The following PRTFDC1 variants were observed in gnomAD, a reference collection of about 807,000 sequenced individuals.
PRTFDC1 encodes phosphoribosyl transferase domain containing 1.
PRTFDC1 carries 38 observed loss-of-function variants against 34.6 expected under a neutral mutation model. The ratio of observed to expected loss-of-function variants is 1.10; its 90% CI spans 0.85 to 1.44. The LOEUF (loss-of-function observed/expected upper bound fraction) is 1.44, where lower values mean the gene tolerates loss of function less well. Ranked by LOEUF, PRTFDC1 falls within the 40% of genes most tolerant of loss-of-function variation. The pLI, the probability that PRTFDC1 is intolerant of heterozygous loss-of-function variation, is 0.00. For synonymous variants in PRTFDC1, 93 were observed against 98.1 expected, an observed-to-expected ratio of 0.95 and a Z score of 0.31; for missense variants, 270 against 283.0, an observed-to-expected ratio of 0.95 and a Z score of 0.33.
At chr10:24,867,123 A>G (rs1296522306) in intron 4 of PRTFDC1, among the ~76,000 whole-genome samples, 1 of 152,082 alleles carries the variant, frequency 6.6e-6, no homozygotes, top group African/African-American at 2.4e-5. Flanking sequence ...CTCCAGAAGT[A>G]TTATACAGTT....
At chr10:24,893,032 A>T (rs989103068) in intron 3 of PRTFDC1, among the ~76,000 whole-genome samples, 6 of 152,222 alleles carry the variant, frequency 3.9e-5, no homozygotes, top group Non-Finnish European at 7.3e-5. Flanking sequence ...AATTTTGCTC[A>T]TACAGTATCA....
At chr10:24,943,140 T>C (rs1246683547) in intron 1 of PRTFDC1, among the ~76,000 whole-genome samples, 2 of 151,574 alleles carry the variant, frequency 1.3e-5, no homozygotes, top group South Asian at 2.1e-4. Context: ...TATTATATTA[T>C]ACATACTATT....
intron 3 of PRTFDC1, among the ~76,000 whole-genome samples, chr10:24,933,064 T>C (rs903207587): frequency 3.3e-5 from 5 of 151,808 alleles, no homozygotes; most frequent in Non-Finnish European, 7.4e-5. Flanking sequence ...CATGCAAAAA[T>C]GAAAAGAAAA....
chr10:24,927,976 A>G (rs1426584579), intron 3 of PRTFDC1, among the ~76,000 whole-genome samples: 3 of 152,200 alleles, frequency 2.0e-5, no homozygotes, highest in Non-Finnish European at 2.9e-5. Flanking sequence ...TTGCTGAAAA[A>G]GATGAGGCGC....
intron 3 of PRTFDC1, among the ~76,000 whole-genome samples, chr10:24,878,896 T>TCCGC (rs1848017288): frequency 6.6e-6 from 1 of 152,192 alleles, no homozygotes; most frequent in Non-Finnish European, 1.5e-5. Flanking sequence ...CTCAATATTC[T>TCCGC]CCGCCCCCAC....
chr10:24,855,975 A>T (rs1258744532), intron 6 of PRTFDC1, among the ~76,000 whole-genome samples: 2 of 151,096 alleles, frequency 1.3e-5, no homozygotes, highest in South Asian at 2.1e-4. Flanking sequence ...TTGGCTGGGC[A>T]TGGTGGTACG....
intron 1 of PRTFDC1, among the ~76,000 whole-genome samples, chr10:24,943,086 T>C (rs1849193824): frequency 6.7e-6 from 1 of 149,508 alleles, no homozygotes; most frequent in Non-Finnish European, 1.5e-5. Flanking sequence ...AAATATATCA[T>C]AATAAACAAC....
chr10:24,892,854 G>A (rs1188684749), intron 3 of PRTFDC1, among the ~76,000 whole-genome samples: 3 of 152,176 alleles, frequency 2.0e-5, no homozygotes, highest in Non-Finnish European at 4.4e-5. Flanking sequence ...CCACTGGCAA[G>A]CATGGGTACA....
chr10:24,886,221 A>G (rs555480698), intron 3 of PRTFDC1, among the ~76,000 whole-genome samples: 28 of 150,340 alleles, frequency 1.9e-4, no homozygotes, highest in African/African-American at 7.0e-4. Context: ...CGGGGAGTCT[A>G]TGTGGGGCTA....
At chr10:24,851,757 T>C (rs1268000358) in intron 7 of PRTFDC1, among the ~76,000 whole-genome samples, 1 of 151,824 alleles carries the variant, frequency 6.6e-6, no homozygotes, top group Non-Finnish European at 1.5e-5. Context: ...GAAATATGCA[T>C]AATTGAGTCA....
chr10:24,864,631 A>G (rs1255357838), intron 4 of PRTFDC1, among the ~76,000 whole-genome samples: 1 of 152,210 alleles, frequency 6.6e-6, no homozygotes, highest in Non-Finnish European at 1.5e-5. Context: ...ACATAATGTT[A>G]TCACACACTT....
intron 4 of PRTFDC1, chr10:24,868,005 C>G (rs1847812351): frequency 6.6e-6 from 1 of 152,242 alleles, no homozygotes; most frequent in African/African-American, 2.4e-5. Context: ...GTTGGCCAGG[C>G]TGGTCTCAAA....
chr10:24,876,784 A>G (rs1847973071), intron 3 of PRTFDC1, among the ~76,000 whole-genome samples: 1 of 152,066 alleles, frequency 6.6e-6, no homozygotes, highest in Non-Finnish European at 1.5e-5. Context: ...CCTGGCCCCA[A>G]GCAAACCTCC....
In PRTFDC1 at chr10:24,862,436, G is replaced by A. The variant is rs534145717; in HGVS notation, c.406-4027C>T. Among the ~76,000 whole-genome samples the A allele has an allele frequency of 1.3e-4, 19 of 151,358 alleles. No homozygotes were observed. The South Asian group carries it at 2.3e-3, about 18-fold the overall frequency. Reference sequence around the variant, plus strand: ...ATTGCCCAGGCTGGAGTGCAATGGCGCGATCTTGGCTCACTGCAACCTCTG... The same window carrying A: ...ATTGCCCAGGCTGGAGTGCAATGGCACGATCTTGGCTCACTGCAACCTCTG... On this transcript the variant is annotated intron_variant, in intron 4 of 8. Coordinates refer to ENST00000320152, the MANE Select transcript of PRTFDC1 (RefSeq NM_020200.7).
intron 2 of PRTFDC1, among the ~76,000 whole-genome samples, chr10:24,939,312 A>T (rs1200255943): frequency 6.6e-6 from 1 of 151,876 alleles, no homozygotes; most frequent in Non-Finnish European, 1.5e-5. Context: ...AAAAAAAAAA[A>T]AAAAAAAAGT....
chr10:24,850,026 G>A, intron 8 of PRTFDC1, 135 bp from the exon 9 acceptor site: 2 of 814,666 alleles, frequency 2.5e-6, no homozygotes, highest in Non-Finnish European at 4.0e-6. Context: ...GTATTTATAT[G>A]TGTGGGTAAA....
At chr10:24,881,247 A>G (rs1252637434) in intron 3 of PRTFDC1, among the ~76,000 whole-genome samples, 1 of 151,308 alleles carries the variant, frequency 6.6e-6, no homozygotes, top group African/African-American at 2.4e-5. Context: ...TTTTATTTTT[A>G]TTTTTAGAGA....
intron 3 of PRTFDC1, among the ~76,000 whole-genome samples, chr10:24,933,994 G>A (rs1849008870): frequency 6.6e-6 from 1 of 151,980 alleles, no homozygotes; most frequent in Non-Finnish European, 1.5e-5. Context: ...CACCTGGCCA[G>A]GCAATTTATT....
At chr10:24,894,702 G>A (rs1848320369) in intron 3 of PRTFDC1, among the ~76,000 whole-genome samples, 1 of 152,166 alleles carries the variant, frequency 6.6e-6, no homozygotes. Context: ...ATGTTTCAGT[G>A]CTGAAAAAAA....
Sources: allele counts gnomAD v4.1 joint callset (sites outside exome capture counted in the v4.1 genomes callset), GRCh38; gene constraint gnomAD v4.1.1; transcripts MANE v1.5; gene names NCBI Gene and HGNC (gene_info 2026-07-23, HGNC 2026-07-21).